DIPK1A: variants seen among roughly 807,000 people sequenced by gnomAD.
DIPK1A encodes divergent protein kinase domain 1A.
A neutral mutation model predicts 40.8 loss-of-function variants in DIPK1A; 27 were observed. The observed-to-expected ratio is 0.66, with a 90% CI of 0.49 to 0.91. DIPK1A has a LOEUF of 0.91. Ranked by LOEUF, DIPK1A falls within the 40% of genes least tolerant of loss-of-function variation. The pLI, the probability that DIPK1A is intolerant of heterozygous loss-of-function variation, is 0.00. For synonymous variants in DIPK1A, 166 were observed against 171.3 expected (o/e 0.97, Z 0.24); for missense variants, 412 against 505.7 (o/e 0.81, Z 1.78).
At chr1:92,876,226 T>TA (rs1450291582) in intron 2 of DIPK1A, 70 bp downstream of exon 2, 1 of 898,006 alleles carries the variant, frequency 1.1e-6, no homozygotes, top group African/African-American at 1.7e-5. Context: ...ACATCATTAG[T>TA]AAGTATGTAA....
At chr1:92,930,479 G>T (rs1650700165) in intron 1 of DIPK1A, among the ~76,000 whole-genome samples, 1 of 152,052 alleles carries the variant, frequency 6.6e-6, no homozygotes, top group Non-Finnish European at 1.5e-5. Context: ...CTATGTATTT[G>T]CAGAAGACAA....
intron 1 of DIPK1A, among the ~76,000 whole-genome samples, chr1:92,953,218 C>T (rs571151150): frequency 6.7e-6 from 1 of 149,956 alleles, no homozygotes; most frequent in East Asian, 2.0e-4. Context: ...TATCAGCTCA[C>T]GCCCGTGAGA....
chr1:92,927,321 A>T (rs1392730803), intron 1 of DIPK1A, among the ~76,000 whole-genome samples: 1 of 151,408 alleles, frequency 6.6e-6, no homozygotes, highest in African/African-American at 2.4e-5. Context: ...CAGCTTCCCA[A>T]ATAGCTGGGA....
At chr1:92,855,533 TA>T (rs759303375) in intron 2 of DIPK1A, among the ~76,000 whole-genome samples, 1 of 151,492 alleles carries the variant, frequency 6.6e-6, no homozygotes, top group African/African-American at 2.4e-5. Flanking sequence ...ACCTCATATC[TA>T]AAAATTTTTT....
At chr1:92,948,614 T>C (rs921241711) in intron 1 of DIPK1A, among the ~76,000 whole-genome samples, 11 of 147,114 alleles carry the variant, frequency 7.5e-5, no homozygotes, top group South Asian at 4.2e-4. Flanking sequence ...TTCATATATA[T>C]ATATTTATTT....
chr1:92,842,450 TAA>T lies in DIPK1A; in HGVS notation c.*931_*932del. 2 of 978,728 alleles carry T rather than the reference TAA, an allele frequency of 2.0e-6. No homozygotes were observed. The highest frequency in any genetic ancestry group is 2.4e-6 in the Non-Finnish European group (2 of 824,284). The allele number at this position is 978,728 out of a possible 1,614,324, so 60.6% of individuals were successfully genotyped here. Reference sequence around the variant, plus strand: ...AATAATATGAAAGAGGAGCAAATACTAAACCTTGTATATCAAGTTTACATGGG... The same window carrying T: ...AATAATATGAAAGAGGAGCAAATACTACCTTGTATATCAAGTTTACATGGG... On this transcript the variant is annotated 3_prime_UTR_variant, in exon 5 of 5. Coordinates refer to ENST00000370310, the MANE Select transcript of DIPK1A (RefSeq NM_001006605.5).
chr1:92,913,369 T>C (rs1649911775), intron 1 of DIPK1A, among the ~76,000 whole-genome samples: 1 of 138,420 alleles, frequency 7.2e-6, no homozygotes, highest in African/African-American at 2.7e-5. Flanking sequence ...TTTTATACCA[T>C]GATGTGAAAA....
intron 1 of DIPK1A, among the ~76,000 whole-genome samples, chr1:92,889,261 T>G (rs1392501353): frequency 6.6e-6 from 1 of 152,224 alleles, no homozygotes; most frequent in Non-Finnish European, 1.5e-5. Context: ...ACTGAAGAGA[T>G]AGTCCGTTTC....
At position 92,961,446 on chromosome 1, in the gene DIPK1A, C is replaced by T; in HGVS notation, c.-17G>A. 1.3e-6 allele frequency: 2 copies of T among 1,486,108 alleles called. No individual in the cohort carries two copies. Among genetic ancestry groups the T allele is most frequent in the African/African-American group, 1.5e-5 (1 of 67,992 alleles). The allele number at this position is 1,486,108 out of a possible 1,614,324, so 92.1% of individuals were successfully genotyped here. A position where few individuals can be genotyped will look rare whatever the true frequency, so the allele number is the denominator to read the frequency against. ...CCTCGCCATGGTAATCACACATCGC[C>T]CCGCCGCGCTGCAGTCAGAGGCGGA... On this transcript the variant is annotated 5_prime_UTR_variant, in exon 1 of 5. Transcript: ENST00000370310.
At chr1:92,943,754 C>T (rs1651259315) in intron 1 of DIPK1A, among the ~76,000 whole-genome samples, 1 of 152,180 alleles carries the variant, frequency 6.6e-6, no homozygotes. Flanking sequence ...AGTCAGGCAT[C>T]CATTCCGGTG....
At chr1:92,894,418 A>G (rs1045711625) in intron 1 of DIPK1A, among the ~76,000 whole-genome samples, 2 of 152,150 alleles carry the variant, frequency 1.3e-5, no homozygotes, top group African/African-American at 4.8e-5. Context: ...GTACATAATG[A>G]AATGAAGGCA....
chr1:92,927,673 T>A (rs1650574142), intron 1 of DIPK1A, among the ~76,000 whole-genome samples: 1 of 152,210 alleles, frequency 6.6e-6, no homozygotes, highest in Admixed American at 6.5e-5. Flanking sequence ...TCTCTATAGA[T>A]CTGCTTATTC....
chr1:92,878,613 G>T (rs1036903888), intron 1 of DIPK1A, among the ~76,000 whole-genome samples: 29 of 152,158 alleles, frequency 1.9e-4, no homozygotes. Context: ...GAGGTCAGGA[G>T]ATCGAGACCA....
chr1:92,840,649 C>CTT, downstream of DIPK1A: 5 of 1,573,236 alleles, frequency 3.2e-6, no homozygotes, highest in Admixed American at 1.7e-5. Flanking sequence ...GGTATGTCGT[C>CTT]TTTTTTTTTG....
At chr1:92,958,729 A>G (rs1197490417) in intron 1 of DIPK1A, among the ~76,000 whole-genome samples, 1 of 152,236 alleles carries the variant, frequency 6.6e-6, no homozygotes, top group Non-Finnish European at 1.5e-5. Flanking sequence ...GGCATGAATG[A>G]GCTGATAAGA....
chr1:92,834,939 T>C (rs749726220), intron 4 of DIPK1A: 1 of 1,599,872 alleles, frequency 6.3e-7, no homozygotes, highest in Non-Finnish European at 8.5e-7. Context: ...TTTTAATTGA[T>C]GTAGTTTGTG....
rs879386529 is a variant in DIPK1A at position 92,842,993 on chromosome 1, TA to T, written c.*389del. 1.1e-4 allele frequency: 113 copies of T among 994,514 alleles called. No homozygotes were observed. Among genetic ancestry groups the T allele is most frequent in the East Asian group, 2.2e-4 (2 of 9,072 alleles). The allele number at this position is 994,514 out of a possible 1,614,324, so 61.6% of individuals were successfully genotyped here. ...CCATGCTAAGACATTAGTAAATTTA[TA>T]AATTTTCTTGTTGAACAGCAGCTTC... On this transcript the variant is annotated 3_prime_UTR_variant, in exon 5 of 5. Coordinates refer to ENST00000370310, the MANE Select transcript of DIPK1A (RefSeq NM_001006605.5).
chr1:92,947,247 T>C (rs1376972686), intron 1 of DIPK1A, among the ~76,000 whole-genome samples: 1 of 152,168 alleles, frequency 6.6e-6, no homozygotes, highest in Non-Finnish European at 1.5e-5. Context: ...GTTATTCTTA[T>C]ACAAAAATAA....
At chr1:92,936,709 C>T (rs1286110365) in intron 1 of DIPK1A, among the ~76,000 whole-genome samples, 4 of 152,030 alleles carry the variant, frequency 2.6e-5, no homozygotes, top group Non-Finnish European at 5.9e-5. Context: ...CCAGACCCTC[C>T]ATAGCAAGTA....
Sources: gnomAD v4.1 joint callset for allele counts (sites outside exome capture counted in the v4.1 genomes callset) on GRCh38, gnomAD v4.1.1 for gene constraint, MANE v1.5 for transcripts, NCBI Gene and HGNC (gene_info 2026-07-23, HGNC 2026-07-21) for gene names.